The following IFI30 variants were observed in gnomAD, a reference collection of about 807,000 sequenced individuals.
IFI30 encodes gamma-interferon-inducible lysosomal thiol reductase.
Under a neutral mutation model 30.1 loss-of-function variants are expected in IFI30, and 26 were observed. The ratio of observed to expected loss-of-function variants is 0.87; its 90% confidence interval spans 0.63 to 1.20. The LOEUF (loss-of-function observed/expected upper bound fraction) is 1.20. IFI30 is among the 50% of genes most tolerant of loss of function. IFI30 has a pLI of 0.00. For synonymous variants in IFI30, 149 were observed against 134.5 expected, an observed-to-expected ratio of 1.11 and a Z score of -0.75; for missense variants, 296 against 312.5, an observed-to-expected ratio of 0.95 and a Z score of 0.40.
At chr19:18,176,558 G>T (rs548429953) in intron 4 of IFI30, among the ~76,000 whole-genome samples, 6 of 152,154 alleles carry the variant, frequency 3.9e-5, no homozygotes, top group African/African-American at 4.8e-5. Context: ...TCTGAGCTGG[G>T]CATGGAAGGA....
intron 1 of IFI30, chr19:18,174,585 G>A (rs774488741): frequency 3.6e-5 from 6 of 164,396 alleles, no homozygotes; most frequent in Non-Finnish European, 8.0e-5. Flanking sequence ...AAATGAGCAT[G>A]GGCCAAGGCC....
At position 18,175,353 on chromosome 19, in the gene IFI30, G is replaced by A. The variant is rs1442058657; in HGVS notation, c.358G>A (p.Gly120Arg). The change falls in exon 3 of 7, where the codon GGA (glycine) becomes AGA (arginine). Residue 120 changes from glycine to arginine, a missense_variant. Coordinates refer to ENST00000407280, the MANE Select transcript of IFI30 (RefSeq NM_006332.5). ...SGRWEFKCQH[G>R]EEECKFNKVE... is the part of the protein sequence containing the mutation. Reference sequence around the variant, plus strand: ...CAGGTGGGAGTTCAAGTGCCAGCATGGAGAAGAGGAGTGCAAATTCAACAA... The same window carrying A: ...CAGGTGGGAGTTCAAGTGCCAGCATAGAGAAGAGGAGTGCAAATTCAACAA... 3 of 1,592,510 alleles carry A rather than the reference G, an allele frequency of 1.9e-6. No individual in the cohort carries two copies. Among genetic ancestry groups the A allele is most frequent in the Non-Finnish European group, 2.6e-6 (3 of 1,170,210 alleles).
chr19:18,173,829 T>C lies in IFI30; in HGVS notation c.-13T>C. ...GCAGCCGCTGCAGTCGCCACACCTT[T>C]GCCCCTGCTGCGATGACCCTGTCGC... On this transcript the variant is annotated 5_prime_UTR_variant, in exon 1 of 7. Transcript: ENST00000407280. 1 of 1,540,374 alleles carries C rather than the reference T, an allele frequency of 6.5e-7. No homozygotes were observed. Among genetic ancestry groups the C allele is most frequent in the Non-Finnish European group, 8.7e-7 (1 of 1,143,712 alleles).
rs766445246 is a variant in IFI30 at position 18,177,829 on chromosome 19, C to T, written c.691-20C>T. 3 of 1,606,604 alleles carry T rather than the reference C, an allele frequency of 1.9e-6. No individual in the cohort carries two copies. The highest frequency in any genetic ancestry group is 4.5e-5 in the East Asian group (2 of 44,640). ...GTAGGGTCTCCTTCCAGGACCCCAA[C>T]TCATGGCCTTCACCTCCAGGGCAAG... On this transcript the variant is annotated intron_variant, in intron 6 of 6. Coordinates refer to ENST00000407280, the MANE Select transcript of IFI30 (RefSeq NM_006332.5).
At chr19:18,177,033 G>A (rs1052248555) in intron 4 of IFI30, 107 bp from the exon 5 acceptor site, 1 of 1,196,714 alleles carries the variant, frequency 8.4e-7, no homozygotes, top group African/African-American at 1.5e-5. Context: ...GAAGCCAACT[G>A]TACCCTCTTC....
intron 4 of IFI30, among the ~76,000 whole-genome samples, chr19:18,176,506 A>G (rs115658567): frequency 6.6e-6 from 1 of 152,228 alleles, no homozygotes; most frequent in African/African-American, 2.4e-5. Flanking sequence ...CAGGTCTCTT[A>G]GGAGCATGAG....
chr19:18,176,444 G>A (rs1179587686), intron 4 of IFI30, among the ~76,000 whole-genome samples: 2 of 152,052 alleles, frequency 1.3e-5, no homozygotes, highest in Non-Finnish European at 2.9e-5. Context: ...CACCACGCCC[G>A]GCCCCAGCCT....
In IFI30 at chr19:18,175,701, A is replaced by G. The variant is rs1456801582; in HGVS notation, c.483+4A>G. ...CATGGAGAGAAGTCTGCCACTAGTG[A>G]GTGACGCCCCTCACTCCACCCAAGG... On this transcript the variant is annotated splice_donor_region_variant and intron_variant, in intron 4 of 6. Coordinates refer to ENST00000407280, the MANE Select transcript of IFI30 (RefSeq NM_006332.5). 1.9e-6 allele frequency: 3 copies of G among 1,599,204 alleles called. No individual in the cohort carries two copies. The highest frequency in any genetic ancestry group is 2.6e-6 in the Non-Finnish European group (3 of 1,172,502).
In IFI30 at chr19:18,175,216, C is replaced by T. The variant is rs753343877; in HGVS notation, c.309C>T (p.Asn103=). The T allele has an allele frequency of 3.0e-5, 48 of 1,583,060 alleles. No individual in the cohort carries two copies. The highest frequency in any genetic ancestry group is 4.6e-5 in the East Asian group (2 of 43,200). ...ATGTCACGCTGGTGCCCTACGGAAA[C>T]GCACAGGTGTGTGGGCGCTGGGGAA... ...ILNVTLVPYG[N]AQEQNVSGRW... The change falls in exon 2 of 7, where the codon AAC becomes AAT. Residue 103 remains asparagine, a synonymous_variant. Transcript: ENST00000407280.
At chr19:18,177,583 C>A in intron 5 of IFI30, 128 bp from the exon 6 acceptor site, 1 of 1,087,452 alleles carries the variant, frequency 9.2e-7, no homozygotes, top group Non-Finnish European at 1.4e-6. Context: ...AAAGATGTGC[C>A]ACTGATTTGC....
At position 18,177,237 on chromosome 19, in the gene IFI30, G is replaced by A. The variant is rs764192398; in HGVS notation, c.581G>A (p.Arg194Gln). ...CAGCTCATGCACGCCAACGCCCAGC[G>A]GACAGATGCTCTCCAGCCACCACAC... ...GMQLMHANAQRTDALQPPHEY... is the reference protein window; with the variant it reads ...GMQLMHANAQQTDALQPPHEY... The change falls in exon 5 of 7, where the codon CGG becomes CAG. Residue 194 changes from arginine to glutamine, a missense_variant. Arg to Gln is a conservative substitution (Grantham distance 43). Coordinates refer to ENST00000407280, the MANE Select transcript of IFI30 (RefSeq NM_006332.5). 2.0e-5 allele frequency: 32 copies of A among 1,588,188 alleles called. No homozygotes were observed. Among genetic ancestry groups the A allele is most frequent in the South Asian group, 8.0e-5 (7 of 87,098 alleles).
chr19:18,176,327 G>T (rs1967269871), intron 4 of IFI30, among the ~76,000 whole-genome samples: 1 of 151,412 alleles, frequency 6.6e-6, no homozygotes, highest in Non-Finnish European at 1.5e-5. Flanking sequence ...GCTAATTTTT[G>T]TATTTTTAGT....
Position 18,177,960 on chromosome 19 carries a change from T to G in IFI30, c.*49T>G, listed in dbSNP as rs1157075290. 2.6e-6 allele frequency: 4 copies of G among 1,546,272 alleles called. No individual in the cohort carries two copies. The Admixed American group carries it at 7.8e-5, about 30-fold the overall frequency. ...CATGGAAGGCGAGTGGGAACCCGGC[T>G]GCCTGCCTTTTTTTCTGATCCAGAC... On this transcript the variant is annotated 3_prime_UTR_variant, in exon 7 of 7. Coordinates refer to ENST00000407280, the MANE Select transcript of IFI30 (RefSeq NM_006332.5).
chr19:18,177,232 C>A lies in IFI30; in HGVS notation c.576C>A (p.Ala192=). 6.3e-7 allele frequency: 1 copy of A among 1,588,858 alleles called. No individual in the cohort carries two copies. Among genetic ancestry groups the A allele is most frequent in the South Asian group, 1.1e-5 (1 of 87,144 alleles). ...GCATGCAGCTCATGCACGCCAACGCCCAGCGGACAGATGCTCTCCAGCCAC... is the reference window on the plus strand; with the variant it reads ...GCATGCAGCTCATGCACGCCAACGCACAGCGGACAGATGCTCTCCAGCCAC... ...DRGMQLMHAN[A]QRTDALQPPH... The change falls in exon 5 of 7, where the codon GCC becomes GCA. Residue 192 remains alanine, a synonymous_variant. Transcript: ENST00000407280.
intron 4 of IFI30, among the ~76,000 whole-genome samples, chr19:18,176,263 T>C (rs1380889467): frequency 1.4e-5 from 2 of 145,932 alleles, no homozygotes; most frequent in African/African-American, 2.5e-5. Flanking sequence ...TAAGTGATCC[T>C]CCTGCCTCAG....
Position 18,173,868 on chromosome 19 carries a change from C to T in IFI30, c.27C>T (p.Phe9=). 6.5e-7 allele frequency: 1 copy of T among 1,550,016 alleles called. No homozygotes were observed. The highest frequency in any genetic ancestry group is 2.0e-5 in the Admixed American group (1 of 51,002). Residue 9 remains phenylalanine, a synonymous_variant, in exon 1 of 7, where the codon TTC becomes TTT. Coordinates refer to ENST00000407280, the MANE Select transcript of IFI30 (RefSeq NM_006332.5). Reference sequence around the variant, plus strand: ...TGACCCTGTCGCCACTTCTGCTGTTCCTGCCACCGCTGCTGCTGCTGCTGG... The same window carrying T: ...TGACCCTGTCGCCACTTCTGCTGTTTCTGCCACCGCTGCTGCTGCTGCTGG... MTLSPLLL[F]LPPLLLLLDV... is the part of the protein sequence containing the mutation.
intron 5 of IFI30, 42 bp downstream of exon 5, chr19:18,177,334 A>T: frequency 6.5e-7 from 1 of 1,548,950 alleles, no homozygotes; most frequent in South Asian, 1.2e-5. Context: ...TCATAGTCCC[A>T]TGGAGTCAGG....
In IFI30 at chr19:18,177,882, A is replaced by G; in HGVS notation, c.724A>G (p.Ser242Gly). 6.3e-7 allele frequency: 1 copy of G among 1,596,398 alleles called. No homozygotes were observed. The highest frequency in any genetic ancestry group is 1.1e-5 in the South Asian group (1 of 88,118). ...GCCGGATGTCTGCCCTTCCTCAACCAGCTCCCTCAGGAGTGTTTGCTTCAA... is the reference window on the plus strand; with the variant it reads ...GCCGGATGTCTGCCCTTCCTCAACCGGCTCCCTCAGGAGTGTTTGCTTCAA... ...KKPDVCPSSTSSLRSVCFK is the reference protein window; with the variant it reads ...KKPDVCPSSTGSLRSVCFK The change falls in exon 7 of 7, where the codon AGC becomes GGC. Residue 242 changes from serine to glycine, a missense_variant. Coordinates refer to ENST00000407280, the MANE Select transcript of IFI30 (RefSeq NM_006332.5).
chr19:18,177,680 G>A, intron 5 of IFI30, 31 bp from the exon 6 acceptor site: 2 of 1,612,174 alleles, frequency 1.2e-6, no homozygotes, highest in Middle Eastern at 1.6e-4. Context: ...TAGCTGCTGG[G>A]AATATGCGAC....
Sources: allele counts gnomAD v4.1 joint callset (sites outside exome capture counted in the v4.1 genomes callset), GRCh38; gene constraint gnomAD v4.1.1; transcripts MANE v1.5; gene names NCBI Gene and HGNC (gene_info 2026-07-23, HGNC 2026-07-21).